The following PHOSPHO1 variants were observed in gnomAD, a reference collection of about 807,000 sequenced individuals.
PHOSPHO1 encodes the protein phosphoethanolamine/phosphocholine phosphatase 1, also known as phosphoethanolamine/phosphocholine phosphatase.
A neutral mutation model predicts 17.7 loss-of-function variants in PHOSPHO1; 6 were observed. That is an observed-to-expected ratio of 0.34 (90% CI 0.19 to 0.67). The LOEUF is 0.67. Ranked by LOEUF, PHOSPHO1 falls within the 30% of genes least tolerant of loss-of-function variation. PHOSPHO1 has a pLI of 0.69. For missense variants in PHOSPHO1, 330 were observed against 392.1 expected (o/e 0.84, Z 1.34); for synonymous variants, 159 against 174.6 (o/e 0.91, Z 0.71).
chr17:49,226,813 C>T, intron 1 of PHOSPHO1, 55 bp from the exon 2 acceptor site: 1 of 1,085,858 alleles, frequency 9.2e-7, no homozygotes. Context: ...TTTGCTTCCA[C>T]CAGGAATACC....
chr17:49,229,928 T>C (rs2043396403), intron 1 of PHOSPHO1, among the ~76,000 whole-genome samples: 1 of 151,886 alleles, frequency 6.6e-6, no homozygotes, highest in Admixed American at 6.5e-5. Context: ...CAGCTGGAGC[T>C]CCCCCCTTGG....
intron 2 of PHOSPHO1, chr17:49,225,464 G>A: frequency 1.0e-6 from 1 of 985,436 alleles, no homozygotes; most frequent in Non-Finnish European, 1.2e-6. Context: ...CTGAGGTAGA[G>A]TCAAGGGAAA....
Position 49,224,095 on chromosome 17 carries a change from TC to T in PHOSPHO1, c.*150del. On this transcript the variant is annotated 3_prime_UTR_variant, in exon 3 of 3. Coordinates refer to ENST00000310544, the MANE Select transcript of PHOSPHO1 (RefSeq NM_178500.4). ...AGATAGGGACGGCTCTGAGCCCCCT[TC>T]CCCAAGCCCCCAAATACGAGATTCC... 1 of 1,209,784 alleles carries T rather than the reference TC, an allele frequency of 8.3e-7. No homozygotes were observed. Among genetic ancestry groups the T allele is most frequent in the Non-Finnish European group, 1.1e-6 (1 of 896,940 alleles). The allele number at this position is 1,209,784 out of a possible 1,614,324, so 74.9% of individuals were successfully genotyped here.
Position 49,224,008 on chromosome 17 carries a change from G to C in PHOSPHO1, c.*238C>G. ...TTGCGCGCCACCCCGCGATGGGTCA[G>C]ACTCCAGAACTCAACCGTGCACAGT... is the stretch of plus-strand genomic sequence containing the variant. On this transcript the variant is annotated 3_prime_UTR_variant, in exon 3 of 3. Coordinates refer to ENST00000310544, the MANE Select transcript of PHOSPHO1 (RefSeq NM_178500.4). 1 of 489,594 alleles carries C rather than the reference G, an allele frequency of 2.0e-6. No homozygotes were observed. The highest frequency in any genetic ancestry group is 3.4e-6 in the Non-Finnish European group (1 of 297,234). The allele number at this position is 489,594 out of a possible 1,614,324, so 30.3% of individuals were successfully genotyped here. A position where few individuals can be genotyped will look rare whatever the true frequency, so the allele number is the denominator to read the frequency against.
intron 2 of PHOSPHO1, chr17:49,225,893 T>C: frequency 1.3e-5 from 14 of 1,111,446 alleles, no homozygotes; most frequent in African/African-American, 1.7e-5. Flanking sequence ...TGAGAGGAGG[T>C]CATTCTAGGG....
At position 49,226,661 on chromosome 17, in the gene PHOSPHO1, G is replaced by A. The variant is rs772698351; in HGVS notation, c.31C>T (p.Arg11Cys). MSGCFPVSGLRCLSRDGRMAA... is the reference protein window; with the variant it reads MSGCFPVSGLCCLSRDGRMAA... Reference sequence around the variant, plus strand: ...GACCCACTTACCCTAGATAGGCAGCGGAGGCCAGAAACTGGAAAACAGCCA... The same window carrying A: ...GACCCACTTACCCTAGATAGGCAGCAGAGGCCAGAAACTGGAAAACAGCCA... Residue 11 changes from arginine to cysteine, a missense_variant, in exon 2 of 3, where the codon CGC becomes TGC. By Grantham distance (180) the Arg-to-Cys change is radical (BLOSUM62 -3). Transcript: ENST00000310544. 19 of 1,614,064 alleles carry A rather than the reference G, an allele frequency of 1.2e-5. No individual in the cohort carries two copies. Among genetic ancestry groups the A allele is most frequent in the South Asian group, 3.3e-5 (3 of 91,092 alleles).
intron 1 of PHOSPHO1, 33 bp from the exon 2 acceptor site, chr17:49,226,791 C>T: frequency 7.1e-7 from 1 of 1,409,480 alleles, no homozygotes. Flanking sequence ...TGAGGGTGCC[C>T]AGTCAGCTGA....
chr17:49,225,736 G>T, intron 2 of PHOSPHO1: 2 of 1,285,546 alleles, frequency 1.6e-6, no homozygotes, highest in Non-Finnish European at 1.0e-6. Flanking sequence ...AAGCAGTGGG[G>T]CTTGGGGAGG....
chr17:49,225,522 G>A lies in PHOSPHO1; in HGVS notation c.46-518C>T, dbSNP rs569681546. 261 of 1,218,520 alleles carry A rather than the reference G, an allele frequency of 2.1e-4. No individual in the cohort carries two copies. The Middle Eastern group carries it at 2.7e-3, about 13-fold the overall frequency. 75.5% of individuals were successfully genotyped at this position (1,218,520 alleles called of 1,614,324 possible). A position where few individuals can be genotyped will look rare whatever the true frequency, so the allele number is the denominator to read the frequency against. Reference sequence around the variant, plus strand: ...GGACCAGTTTCCTCATTCTCCTTTTGGGCCATGGGGAATCTATGGCTCTCT... The same window carrying A: ...GGACCAGTTTCCTCATTCTCCTTTTAGGCCATGGGGAATCTATGGCTCTCT... On this transcript the variant is annotated intron_variant, in intron 2 of 2. Coordinates refer to ENST00000310544, the MANE Select transcript of PHOSPHO1 (RefSeq NM_178500.4).
chr17:49,225,189 T>G (rs1227252211), intron 2 of PHOSPHO1, 185 bp from the exon 3 acceptor site: 1 of 1,429,084 alleles, frequency 7.0e-7, no homozygotes, highest in Admixed American at 2.9e-5. Flanking sequence ...ACCACCTCTA[T>G]CCCCAGCCTT....
chr17:49,224,513 C>G lies in PHOSPHO1; in HGVS notation c.537G>C (p.Lys179Asn). 1 of 1,578,122 alleles carries G rather than the reference C, an allele frequency of 6.3e-7. No individual in the cohort carries two copies. The highest frequency in any genetic ancestry group is 1.8e-5 in the Admixed American group (1 of 55,472). The change falls in exon 3 of 3, where the codon AAG (lysine) becomes AAC (asparagine). Residue 179 changes from lysine (K) to asparagine (N), a missense_variant. Coordinates refer to ENST00000310544, the MANE Select transcript of PHOSPHO1 (RefSeq NM_178500.4). Reference protein sequence around the residue: ...ARCPANMCKHKVLSDYLRERA... With the variant: ...ARCPANMCKHNVLSDYLRERA... The stretch of plus-strand genomic sequence containing the variant: ...GCTCGCGCAGGTAGTCGCTGAGCAC[C>G]TTGTGCTTGCACATGTTGGCGGGGC...
In PHOSPHO1 at chr17:49,224,576, C is replaced by T. The variant is rs751084612; in HGVS notation, c.474G>A (p.Leu158=). Residue 158 remains leucine, a synonymous_variant, in exon 3 of 3, where the codon CTG becomes CTA. Coordinates refer to ENST00000310544, the MANE Select transcript of PHOSPHO1 (RefSeq NM_178500.4). ...TGTGTGTGTGGAACGGCCGCAGAGCCAGCAGTCCCCGCGCATCCGGCCCCG... is the reference window on the plus strand; with the variant it reads ...TGTGTGTGTGGAACGGCCGCAGAGCTAGCAGTCCCCGCGCATCCGGCCCCG... ...NPSGPDARGL[L]ALRPFHTHSC... is the part of the protein sequence containing the mutation. 4 of 1,563,466 alleles carry T rather than the reference C, an allele frequency of 2.6e-6. No individual in the cohort carries two copies. In the African/African-American group the frequency reaches 4.1e-5, roughly 16 times the overall value.
At chr17:49,227,721 C>T (rs1483971361) in intron 1 of PHOSPHO1, among the ~76,000 whole-genome samples, 1 of 152,202 alleles carries the variant, frequency 6.6e-6, no homozygotes, top group Non-Finnish European at 1.5e-5. Context: ...ATCCCAGGAG[C>T]AGGGTACAGG....
rs933195864 is a variant in PHOSPHO1 at position 49,226,755 on chromosome 17, G to A, written c.-64C>T. ...TGTTGGCCTCCAGCCGTCGTCACACGTTCCTGACAACCACAAAAGTTCATT... is the reference window on the plus strand; with the variant it reads ...TGTTGGCCTCCAGCCGTCGTCACACATTCCTGACAACCACAAAAGTTCATT... On this transcript the variant is annotated 5_prime_UTR_variant, in exon 2 of 3. It adds an upstream start codon to the 5' untranslated region. Transcript: ENST00000310544. 117 of 1,591,400 alleles carry A rather than the reference G, an allele frequency of 7.4e-5. No homozygotes were observed. Among genetic ancestry groups the A allele is most frequent in the Middle Eastern group, 1.7e-4 (1 of 6,016 alleles).
In PHOSPHO1 at chr17:49,224,235, G is replaced by T. The variant is rs2043324210; in HGVS notation, c.*11C>A. Reference sequence around the variant, plus strand: ...CCGTTGGCCCGGGTACCCCCCTGCAGGCGGCCAGACTCAGCACGACTTCAG... The same window carrying T: ...CCGTTGGCCCGGGTACCCCCCTGCATGCGGCCAGACTCAGCACGACTTCAG... On this transcript the variant is annotated 3_prime_UTR_variant, in exon 3 of 3. Coordinates refer to ENST00000310544, the MANE Select transcript of PHOSPHO1 (RefSeq NM_178500.4). The T allele has an allele frequency of 1.3e-6, 2 of 1,548,864 alleles. No individual in the cohort carries two copies. Among genetic ancestry groups the T allele is most frequent in the South Asian group, 1.2e-5 (1 of 85,284 alleles).
At position 49,226,719 on chromosome 17, in the gene PHOSPHO1, T is replaced by C. The variant is rs1462235022; in HGVS notation, c.-28A>G. 1.2e-6 allele frequency: 2 copies of C among 1,614,036 alleles called. No individual in the cohort carries two copies. Among genetic ancestry groups the C allele is most frequent in the Middle Eastern group, 1.7e-4 (1 of 6,060 alleles). On this transcript the variant is annotated 5_prime_UTR_variant, in exon 2 of 3. Coordinates refer to ENST00000310544, the MANE Select transcript of PHOSPHO1 (RefSeq NM_178500.4). ...TCGGTGCATTACCGTGAGCACCACC[T>C]GTAGGGACTCTGTTGGCCTCCAGCC... is the stretch of plus-strand genomic sequence containing the variant.
rs775505619 is a variant in PHOSPHO1 at position 49,230,449 on chromosome 17, C to T, written c.-68+19G>A. The T allele has an allele frequency of 1.3e-5, 2 of 152,588 alleles. No homozygotes were observed. The highest frequency in any genetic ancestry group is 2.9e-5 in the Non-Finnish European group (2 of 68,380). The allele number at this position is 152,588 out of a possible 1,614,324, so 9.5% of individuals were successfully genotyped here. The stretch of plus-strand genomic sequence containing the variant: ...CCGGGACCCCAGCCCTCCCCTATCT[C>T]CCGGAGCCCAGGACTCACGTGGGGG... On this transcript the variant is annotated intron_variant, in intron 1 of 2. Transcript: ENST00000310544.
intron 1 of PHOSPHO1, among the ~76,000 whole-genome samples, chr17:49,227,161 A>G (rs1166412303): frequency 6.6e-5 from 10 of 152,326 alleles, no homozygotes; most frequent in African/African-American, 2.2e-4. Context: ...AGAGAGGTTA[A>G]CTAACCAGCC....
chr17:49,224,691 A>C lies in PHOSPHO1; in HGVS notation c.359T>G (p.Leu120Arg), dbSNP rs1386714502. Reference sequence around the variant, plus strand: ...GCCAAAGGTGTTGGCATCGGAGATGAGAATCACCTCGAAGCAGGCGCCCTG... The same window carrying C: ...GCCAAAGGTGTTGGCATCGGAGATGCGAATCACCTCGAAGCAGGCGCCCTG... ...AKQGACFEVI[L>R]ISDANTFGVE... The change falls in exon 3 of 3, where the codon CTC (leucine) becomes CGC (arginine). Residue 120 changes from leucine to arginine, a missense_variant. Transcript: ENST00000310544. The C allele has an allele frequency of 1.3e-6, 2 of 1,592,792 alleles. No homozygotes were observed. Among genetic ancestry groups the C allele is most frequent in the African/African-American group, 2.7e-5 (2 of 74,618 alleles).
Sources: allele counts gnomAD v4.1 joint callset (sites outside exome capture counted in the v4.1 genomes callset), GRCh38; gene constraint gnomAD v4.1.1; transcripts MANE v1.5; gene names NCBI Gene and HGNC (gene_info 2026-07-23, HGNC 2026-07-21).